The following GRIP1 variants were observed in gnomAD, a reference collection of about 807,000 sequenced individuals.
GRIP1 encodes the protein glutamate receptor interacting protein 1, also known as glutamate receptor-interacting protein 1.
Under a neutral mutation model 129.9 loss-of-function variants are expected in GRIP1, and 45 were observed. That is an observed-to-expected ratio of 0.35 (90% CI 0.27 to 0.44). The LOEUF (loss-of-function observed/expected upper bound fraction) is 0.44. Ranked by LOEUF, GRIP1 falls within the 20% of genes least tolerant of loss-of-function variation. The probability of loss-of-function intolerance (pLI) is 1.00; values close to 1 mark genes in which losing one functional copy is unlikely to be tolerated. For synonymous variants in GRIP1, 530 were observed against 520.8 expected (o/e 1.02, Z -0.24); for missense variants, 1,196 against 1,396.8 (o/e 0.86, Z 2.29).
intron 2 of GRIP1, among the ~76,000 whole-genome samples, chr12:66,566,461 G>C (rs1231491279): frequency 6.6e-6 from 1 of 152,168 alleles, no homozygotes; most frequent in East Asian, 1.9e-4. Flanking sequence ...GCATCTCAAG[G>C]GATGAAGCCC....
chr12:66,790,823 G>A (rs905256437), intron 1 of GRIP1, among the ~76,000 whole-genome samples: 1 of 152,054 alleles, frequency 6.6e-6, no homozygotes, highest in Non-Finnish European at 1.5e-5. Flanking sequence ...ACAAAACGAG[G>A]GAGGCGGAGA....
chr12:66,883,156 G>A (rs1314978202), intron 1 of GRIP1, among the ~76,000 whole-genome samples: 1 of 151,944 alleles, frequency 6.6e-6, no homozygotes, highest in Non-Finnish European at 1.5e-5. Context: ...ATGTCTCTCT[G>A]GTCTCTTCCC....
chr12:66,500,359 C>T (rs1239078194), intron 7 of GRIP1, among the ~76,000 whole-genome samples: 2 of 152,086 alleles, frequency 1.3e-5, no homozygotes, highest in South Asian at 2.1e-4. Flanking sequence ...ATAGTAAAAC[C>T]TCGGTGACAA....
intron 1 of GRIP1, among the ~76,000 whole-genome samples, chr12:67,003,171 C>T (rs906418679): frequency 1.3e-5 from 2 of 152,088 alleles, no homozygotes; most frequent in African/African-American, 4.8e-5. Flanking sequence ...ATCATCTCAC[C>T]CTCTTTTCCT....
intron 2 of GRIP1, among the ~76,000 whole-genome samples, chr12:66,571,491 TC>T (rs1393965253): frequency 1.3e-5 from 2 of 152,228 alleles, no homozygotes; most frequent in South Asian, 2.1e-4. Context: ...TGTTTTTTTT[TC>T]ATTGCATATT....
chr12:66,819,845 G>A (rs1463507498), intron 1 of GRIP1, among the ~76,000 whole-genome samples: 1 of 152,156 alleles, frequency 6.6e-6, no homozygotes, highest in African/African-American at 2.4e-5. Flanking sequence ...ACACAAACAG[G>A]TGAATCAGAG....
At chr12:66,439,401 C>T (rs908077148) in intron 13 of GRIP1, among the ~76,000 whole-genome samples, 2 of 152,190 alleles carry the variant, frequency 1.3e-5, no homozygotes, top group African/African-American at 2.4e-5. Flanking sequence ...CTTTCTCTCA[C>T]TATCCCTTTT....
At chr12:66,837,924 T>C (rs553046174) in intron 1 of GRIP1, among the ~76,000 whole-genome samples, 1 of 152,284 alleles carries the variant, frequency 6.6e-6, no homozygotes, top group South Asian at 2.1e-4. Flanking sequence ...CTGGGCGCGG[T>C]GGCCCACACC....
At chr12:67,041,948 T>G (rs541240455) in intron 1 of GRIP1, among the ~76,000 whole-genome samples, 1 of 152,208 alleles carries the variant, frequency 6.6e-6, no homozygotes, top group Non-Finnish European at 1.5e-5. Flanking sequence ...ATTTTATGTG[T>G]TAGAGCCTTA....
chr12:66,381,008 C>T (rs2056082915), intron 19 of GRIP1, among the ~76,000 whole-genome samples: 1 of 152,148 alleles, frequency 6.6e-6, no homozygotes, highest in African/African-American at 2.4e-5. Context: ...TTCCTCTTCC[C>T]CATTCACTTT....
At chr12:66,954,572 A>C (rs1233564774) in intron 1 of GRIP1, among the ~76,000 whole-genome samples, 3 of 152,194 alleles carry the variant, frequency 2.0e-5, no homozygotes, top group Non-Finnish European at 4.4e-5. Context: ...ACTTGTCCTA[A>C]GTCAAATTAA....
intron 1 of GRIP1, among the ~76,000 whole-genome samples, chr12:66,649,560 G>A (rs977204904): frequency 6.6e-6 from 1 of 152,212 alleles, no homozygotes. Flanking sequence ...CAAGGAGCTT[G>A]TAGCCCAGTA....
chr12:67,035,736 G>A (rs190579628), intron 1 of GRIP1: 35 of 152,186 alleles, frequency 2.3e-4, no homozygotes, highest in Admixed American at 2.2e-3. Flanking sequence ...TTGGAAATTG[G>A]AAACTAACTT....
intron 1 of GRIP1, among the ~76,000 whole-genome samples, chr12:66,645,359 C>A (rs896813505): frequency 2.6e-5 from 4 of 152,160 alleles, no homozygotes; most frequent in Admixed American, 6.5e-5. Flanking sequence ...TTCTTCACTG[C>A]GCTACAGAAA....
chr12:66,904,949 A>C (rs1488385673), intron 1 of GRIP1, among the ~76,000 whole-genome samples: 1 of 152,132 alleles, frequency 6.6e-6, no homozygotes, highest in Non-Finnish European at 1.5e-5. Flanking sequence ...TTGGTAAAGC[A>C]AAAGAGAGTT....
At chr12:67,030,035 C>G (rs1358231995) in intron 1 of GRIP1, among the ~76,000 whole-genome samples, 4 of 90,828 alleles carry the variant, frequency 4.4e-5, no homozygotes, top group African/African-American at 1.4e-4. Context: ...CCCGTCTCTA[C>G]TAAAAATACA....
At chr12:66,387,802 A>G (rs1442615320) in intron 19 of GRIP1, among the ~76,000 whole-genome samples, 1 of 152,166 alleles carries the variant, frequency 6.6e-6, no homozygotes, top group Non-Finnish European at 1.5e-5. Flanking sequence ...GAAAAATAAA[A>G]TCCTGCTAAT....
At chr12:66,692,985 T>C (rs1173025342) in intron 1 of GRIP1, among the ~76,000 whole-genome samples, 4 of 152,310 alleles carry the variant, frequency 2.6e-5, no homozygotes, top group South Asian at 2.1e-4. Context: ...CCTAACTTCA[T>C]AGGGTGTTGA....
intron 1 of GRIP1, among the ~76,000 whole-genome samples, chr12:66,863,532 C>T (rs1009809745): frequency 1.3e-5 from 2 of 151,898 alleles, no homozygotes; most frequent in Non-Finnish European, 2.9e-5. Flanking sequence ...GAGAAAGGTG[C>T]ATTTATATGG....
Sources: allele counts gnomAD v4.1 joint callset (sites outside exome capture counted in the v4.1 genomes callset), GRCh38; gene constraint gnomAD v4.1.1; transcripts MANE v1.5; gene names NCBI Gene and HGNC (gene_info 2026-07-23, HGNC 2026-07-21).